Variants in ZSCAN25 observed in about 807,000 individuals in gnomAD.
ZSCAN25 encodes zinc finger and SCAN domain-containing protein 25.
In ZSCAN25, 27 loss-of-function variants were observed where a neutral mutation model predicts 38.7. That is an observed-to-expected ratio of 0.70 (90% CI 0.51 to 0.96). The LOEUF (loss-of-function observed/expected upper bound fraction) is 0.96. Ranked by LOEUF, ZSCAN25 falls within the 40% of genes least tolerant of loss-of-function variation. ZSCAN25 has a pLI of 0.00. For synonymous variants in ZSCAN25, 273 were observed against 277.7 expected (o/e 0.98, Z 0.17); for missense variants, 637 against 705.9 (o/e 0.90, Z 1.11).
chr7:99,641,703 C>T, the ZSCAN25 span, among the ~76,000 whole-genome samples: 1 of 152,262 alleles, frequency 6.6e-6, no homozygotes, highest in South Asian at 2.1e-4. Context: ...TTGCTCAGTC[C>T]AAAAAGCCTA....
At chr7:99,728,870 G>A in the ZSCAN25 span, among the ~76,000 whole-genome samples, 1 of 151,944 alleles carries the variant, frequency 6.6e-6, no homozygotes, top group African/African-American at 2.4e-5. Flanking sequence ...TAGCATTACA[G>A]ATACATCACA....
At chr7:99,698,727 T>C in the ZSCAN25 span, among the ~76,000 whole-genome samples, 2 of 152,176 alleles carry the variant, frequency 1.3e-5, no homozygotes, top group African/African-American at 4.8e-5. Flanking sequence ...ACATTTATTG[T>C]CACAAATACT....
At chr7:99,638,604 G>A in the ZSCAN25 span, 5 of 1,582,852 alleles carry the variant, frequency 3.2e-6, no homozygotes, top group East Asian at 4.5e-5. Context: ...TGACATTTTT[G>A]TAAGTCACTG....
the ZSCAN25 span, among the ~76,000 whole-genome samples, chr7:99,728,690 C>T: frequency 4.7e-3 from 713 of 152,302 alleles, 5 homozygotes; most frequent in African/African-American, 0.016. Context: ...TGGGACTGAA[C>T]AACTTCCTGT....
the ZSCAN25 span, chr7:99,717,439 CGGAA>C: frequency 6.3e-7 from 1 of 1,589,112 alleles, no homozygotes; most frequent in Non-Finnish European, 8.6e-7. Flanking sequence ...GACTACTCCT[CGGAA>C]AGGAACTCTG....
the ZSCAN25 span, chr7:99,652,723 A>C: frequency 6.2e-7 from 1 of 1,614,154 alleles, no homozygotes; most frequent in African/African-American, 1.3e-5. Context: ...TGAGTGTTTC[A>C]TTCACCACCA....
At chr7:99,650,115 T>C in the ZSCAN25 span, 1 of 1,613,796 alleles carries the variant, frequency 6.2e-7, no homozygotes, top group Non-Finnish European at 8.5e-7. Flanking sequence ...TCTGAAGGAC[T>C]CTGATTAGAG....
the ZSCAN25 span, among the ~76,000 whole-genome samples, chr7:99,719,747 G>C: frequency 6.6e-6 from 1 of 152,162 alleles, no homozygotes; most frequent in South Asian, 2.1e-4. Context: ...GCTGGTCATT[G>C]CACAAATCTA....
At chr7:99,731,783 CTG>C in the ZSCAN25 span, among the ~76,000 whole-genome samples, 6 of 152,132 alleles carry the variant, frequency 3.9e-5, no homozygotes, top group Admixed American at 3.9e-4. Context: ...AGATTGACAA[CTG>C]TGCTCCAGGC....
chr7:99,688,099 A>G, the ZSCAN25 span, among the ~76,000 whole-genome samples: 1 of 152,238 alleles, frequency 6.6e-6, no homozygotes, highest in Non-Finnish European at 1.5e-5. Flanking sequence ...AAGGCTAGGA[A>G]AAAAATGCAT....
the ZSCAN25 span, among the ~76,000 whole-genome samples, chr7:99,647,223 C>G: frequency 6.6e-6 from 1 of 152,196 alleles, no homozygotes; most frequent in African/African-American, 2.4e-5. Flanking sequence ...TCTCTGATTG[C>G]TTGGGCTCCC....
the ZSCAN25 span, chr7:99,665,258 A>G: frequency 6.2e-7 from 1 of 1,614,200 alleles, no homozygotes; most frequent in African/African-American, 1.3e-5. Flanking sequence ...GAGAGAGTCG[A>G]TGTTCACTCC....
chr7:99,677,154 T>A, the ZSCAN25 span: 1 of 984,218 alleles, frequency 1.0e-6, no homozygotes, highest in Non-Finnish European at 1.2e-6. Flanking sequence ...AACTCATCTT[T>A]CATGAGTCAT....
the ZSCAN25 span, among the ~76,000 whole-genome samples, chr7:99,713,146 A>C: frequency 6.6e-6 from 1 of 152,222 alleles, no homozygotes; most frequent in African/African-American, 2.4e-5. Flanking sequence ...AAACCTAATA[A>C]ATTTCCAGGA....
the ZSCAN25 span, among the ~76,000 whole-genome samples, chr7:99,680,692 A>G: frequency 6.6e-6 from 1 of 152,184 alleles, no homozygotes; most frequent in Non-Finnish European, 1.5e-5. Flanking sequence ...GGTGATAGCA[A>G]TAGACTAATG....
chr7:99,672,120 C>T, the ZSCAN25 span, among the ~76,000 whole-genome samples: 5 of 152,172 alleles, frequency 3.3e-5, no homozygotes, highest in Middle Eastern at 6.8e-3. Flanking sequence ...GGCGTGATCT[C>T]GGCTCACTGC....
intron 1 of ZSCAN25, among the ~76,000 whole-genome samples, chr7:99,617,479 G>A (rs952711111): frequency 6.6e-6 from 1 of 152,226 alleles, no homozygotes; most frequent in Non-Finnish European, 1.5e-5. Context: ...TACTCGGGAG[G>A]CTGAGGCAGG....
chr7:99,715,283 A>T, the ZSCAN25 span: 3 of 180,988 alleles, frequency 1.7e-5, no homozygotes, highest in South Asian at 3.5e-4. Flanking sequence ...AGGGAAATTT[A>T]TAGTTGTAAT....
chr7:99,720,192 T>A, the ZSCAN25 span: 100 of 1,220,706 alleles, frequency 8.2e-5, 1 homozygote, highest in South Asian at 1.3e-3. Context: ...ATGGGCAGGA[T>A]GAAGTGTACA....
Sources: allele counts gnomAD v4.1 joint callset (sites outside exome capture counted in the v4.1 genomes callset), GRCh38; gene constraint gnomAD v4.1.1; transcripts MANE v1.5; gene names NCBI Gene and HGNC (gene_info 2026-07-23, HGNC 2026-07-21).